Variants in AP2A2 observed in about 807,000 individuals in gnomAD.
AP2A2 encodes the protein AP-2 complex subunit alpha-2.
AP2A2 carries 32 observed loss-of-function variants against 104.2 expected under a neutral mutation model. The observed-to-expected ratio is 0.31, with a 90% confidence interval of 0.23 to 0.41. The LOEUF (loss-of-function observed/expected upper bound fraction) is 0.41, where lower values mean the gene tolerates loss of function less well. Ranked by LOEUF, AP2A2 falls within the 10% of genes least tolerant of loss-of-function variation. The pLI is 1.00. For missense variants in AP2A2, 912 were observed against 1,261.0 expected, an observed-to-expected ratio of 0.72 and a Z score of 4.19; for synonymous variants, 539 against 533.3, an observed-to-expected ratio of 1.01 and a Z score of -0.15.
At chr11:970,376 G>A in intron 3 of AP2A2, 65 bp downstream of exon 3, 6 of 1,572,746 alleles carry the variant, frequency 3.8e-6, no homozygotes, top group Non-Finnish European at 5.2e-6. Flanking sequence ...GAGGCCCGGT[G>A]CCCGTGTAGG....
chr11:991,191 C>G (rs772704559), intron 10 of AP2A2, among the ~76,000 whole-genome samples: 1 of 152,236 alleles, frequency 6.6e-6, no homozygotes, highest in Admixed American at 6.5e-5. Context: ...TCCTTTCAGT[C>G]GAGCATGGCA....
Position 968,497 on chromosome 11 carries a change from G to C in AP2A2, c.137-1672G>C, listed in dbSNP as rs1854703159. On this transcript the variant is annotated intron_variant, in intron 2 of 21. Coordinates refer to ENST00000448903, the MANE Select transcript of AP2A2 (RefSeq NM_012305.4). This position sits in a 1 kb window ranked among gnomAD's most constrained non-coding sequence, Gnocchi z 4.2. The stretch of plus-strand genomic sequence containing the variant: ...CAAAACTCAGCCCAGTCGGGCCGCT[G>C]GTCCTCTCCCCTGTCAGTTATTTTT... Among the ~76,000 whole-genome samples, 1 of 152,144 alleles carries C rather than the reference G, an allele frequency of 6.6e-6. No individual in the cohort carries two copies. Among genetic ancestry groups the C allele is most frequent in the Non-Finnish European group, 1.5e-5 (1 of 68,026 alleles).
At chr11:983,578 T>C (rs1041814401) in intron 6 of AP2A2, among the ~76,000 whole-genome samples, 5 of 151,810 alleles carry the variant, frequency 3.3e-5, no homozygotes, top group East Asian at 1.9e-4. Context: ...AGAGATGGGG[T>C]TTCACTGTGT....
intron 10 of AP2A2, among the ~76,000 whole-genome samples, chr11:989,811 C>T (rs2133726683): frequency 1.3e-5 from 2 of 152,352 alleles, no homozygotes; most frequent in South Asian, 4.1e-4. Context: ...AAGGGGGAGG[C>T]CCGGTGTCCT....
Position 994,106 on chromosome 11 carries a change from A to G in AP2A2, c.1817A>G (p.Glu606Gly). The G allele has an allele frequency of 6.2e-7, 1 of 1,612,996 alleles. No individual in the cohort carries two copies. The highest frequency in any genetic ancestry group is 8.5e-7 in the Non-Finnish European group (1 of 1,179,830). ...CTGGAGGAGATGCCCCCATTCCCGG[A>G]GCGGGAGTCCTCCATCTTGGCAAAG... ...TVLEEMPPFP[E>G]RESSILAKLK... Residue 606 changes from glutamate (E) to glycine (G), a missense_variant, in exon 14 of 22, where the codon GAG becomes GGG. Around this residue, in one of 7 missense-constraint regions of AP2A2, gnomAD observed 137 missense variants for 186.9 expected, o/e 0.73. Transcript: ENST00000448903.
chr11:942,704 G>A (rs1214044134), intron 1 of AP2A2, among the ~76,000 whole-genome samples: 1 of 152,136 alleles, frequency 6.6e-6, no homozygotes. Context: ...TAGATTCTGG[G>A]GGTAAATGTG....
In AP2A2 at chr11:1,010,745, G is replaced by C; in HGVS notation, c.*120G>C. 1 of 807,432 alleles carries C rather than the reference G, an allele frequency of 1.2e-6. No individual in the cohort carries two copies. The highest frequency in any genetic ancestry group is 2.1e-6 in the Non-Finnish European group (1 of 477,330). The allele number at this position is 807,432 out of a possible 1,614,324, so 50.0% of individuals were successfully genotyped here. A position where few individuals can be genotyped will look rare whatever the true frequency, so the allele number is the denominator to read the frequency against. On this transcript the variant is annotated 3_prime_UTR_variant, in exon 22 of 22. Transcript: ENST00000448903. ...GTGCCACAGCACAAGGCGCCTCCCC[G>C]CCCCGCCGCCCCACACCTCTCCCCT...
intron 5 of AP2A2, among the ~76,000 whole-genome samples, chr11:978,833 G>A (rs1396174948): frequency 1.3e-5 from 2 of 152,320 alleles, no homozygotes; most frequent in South Asian, 4.2e-4. Context: ...GACAGGAAGC[G>A]TGGGCGGGAC....
At chr11:984,476 C>T (rs968180684) in intron 6 of AP2A2, among the ~76,000 whole-genome samples, 169 bp from the exon 7 acceptor site, 8 of 152,146 alleles carry the variant, frequency 5.3e-5, no homozygotes, top group African/African-American at 1.9e-4. Context: ...GCAGCCCTCT[C>T]ACGGCGAACC....
At chr11:966,430 T>C (rs1419235385) in intron 2 of AP2A2, among the ~76,000 whole-genome samples, 2 of 152,112 alleles carry the variant, frequency 1.3e-5, no homozygotes, top group Non-Finnish European at 2.9e-5. Flanking sequence ...CCTAGGAGGT[T>C]GAGGCTGCAG....
chr11:950,947 CTGGGTG>C (rs1854031801), intron 1 of AP2A2, among the ~76,000 whole-genome samples: 3 of 151,728 alleles, frequency 2.0e-5, no homozygotes, highest in African/African-American at 7.3e-5. Flanking sequence ...CAAAAATTAA[CTGGGTG>C]TGGTGGTGTG....
At chr11:969,473 G>A (rs1035654635) in intron 2 of AP2A2, among the ~76,000 whole-genome samples, 1 of 152,060 alleles carries the variant, frequency 6.6e-6, no homozygotes, top group Non-Finnish European at 1.5e-5. Flanking sequence ...TGATCCACCT[G>A]CCTCGGCCTC....
intron 6 of AP2A2, among the ~76,000 whole-genome samples, chr11:983,532 G>A (rs539328392): frequency 1.6e-3 from 248 of 151,974 alleles, no homozygotes; most frequent in Admixed American, 2.2e-3. Flanking sequence ...ACAGGCGCCC[G>A]CCACCATGCC....
At position 993,458 on chromosome 11, in the gene AP2A2, C is replaced by T. The variant is rs1855731876; in HGVS notation, c.1550+77C>T. ...GTGGTCGGTGGCAAGAGGCGAGGCA[C>T]CAGCTGGCCCTGCCGTGAGGCCTCG... On this transcript the variant is annotated intron_variant, in intron 12 of 21. Coordinates refer to ENST00000448903, the MANE Select transcript of AP2A2 (RefSeq NM_012305.4). The surrounding 1 kb of genome is among the most constrained non-coding windows in gnomAD (Gnocchi z 8.2). The T allele has an allele frequency of 2.5e-6, 3 of 1,184,474 alleles. No homozygotes were observed. Among genetic ancestry groups the T allele is most frequent in the Admixed American group, 6.0e-5 (2 of 33,340 alleles). 73.4% of individuals were successfully genotyped at this position (1,184,474 alleles called of 1,614,324 possible).
rs893098339 is a variant in AP2A2 at position 968,058 on chromosome 11, C to T, written c.137-2111C>T. ...CGGGCTCACCTGCCACCTGCCCCAC[C>T]GAGATGGGTGAGGGTGTGGAGCGAG... On this transcript the variant is annotated intron_variant, in intron 2 of 21. Coordinates refer to ENST00000448903, the MANE Select transcript of AP2A2 (RefSeq NM_012305.4). The surrounding 1 kb of genome is among the most constrained non-coding windows in gnomAD (Gnocchi z 4.2). Among the ~76,000 whole-genome samples, 4 of 152,214 alleles carry T rather than the reference C, an allele frequency of 2.6e-5. No homozygotes were observed. Among genetic ancestry groups the T allele is most frequent in the East Asian group, 1.9e-4 (1 of 5,190 alleles).
At chr11:988,244 C>T (rs896787072) in intron 9 of AP2A2, among the ~76,000 whole-genome samples, 1 of 152,328 alleles carries the variant, frequency 6.6e-6, no homozygotes, top group African/African-American at 2.4e-5. Flanking sequence ...CCAGGCAGTG[C>T]GCTCAGTCCT....
intron 1 of AP2A2, among the ~76,000 whole-genome samples, chr11:938,056 G>A (rs1258942512): frequency 2.0e-5 from 3 of 152,186 alleles, no homozygotes; most frequent in African/African-American, 2.4e-5. Context: ...GAAACAAAAC[G>A]CATGCTTATT....
intron 1 of AP2A2, among the ~76,000 whole-genome samples, chr11:948,888 A>G (rs925298455): frequency 3.9e-5 from 6 of 152,278 alleles, no homozygotes; most frequent in African/African-American, 1.2e-4. Context: ...AAAAACTGAA[A>G]AACAAGATCT....
At chr11:960,279 G>A (rs1854385804) in intron 2 of AP2A2, among the ~76,000 whole-genome samples, 1 of 148,294 alleles carries the variant, frequency 6.7e-6, no homozygotes, top group South Asian at 2.1e-4. Context: ...GTCTTGCTCT[G>A]TCGCTCAGTG....
Sources: gnomAD v4.1 joint callset for allele counts (sites outside exome capture counted in the v4.1 genomes callset) on GRCh38, gnomAD v4.1.1 for gene constraint, gnomAD v4.1.1 regional missense constraint, Gnocchi (gnomAD v3.1) non-coding constraint, MANE v1.5 for transcripts, NCBI Gene and HGNC (gene_info 2026-07-23, HGNC 2026-07-21) for gene names.